The following LIPC variants were observed in gnomAD, a reference collection of about 807,000 sequenced individuals.
The protein encoded by LIPC is lipase C, hepatic type.
In LIPC, 44 loss-of-function variants were observed where a neutral mutation model predicts 50.7. The observed-to-expected ratio is 0.87, with a 90% CI of 0.68 to 1.11. The LOEUF is 1.11. LIPC is among the 50% of genes most tolerant of loss of function. LIPC has a pLI of 0.00. For synonymous variants in LIPC, 271 were observed against 256.4 expected (o/e 1.06, Z -0.54); for missense variants, 697 against 648.2 (o/e 1.08, Z -0.82).
At chr15:58,450,758 A>T (rs895528848) in intron 1 of LIPC, among the ~76,000 whole-genome samples, 2 of 152,092 alleles carry the variant, frequency 1.3e-5, no homozygotes, top group Non-Finnish European at 2.9e-5. Context: ...TATTGAGTGA[A>T]AGTAGTAAGA....
chr15:58,563,132 A>T (rs1894223732), intron 7 of LIPC, among the ~76,000 whole-genome samples: 2 of 152,130 alleles, frequency 1.3e-5, no homozygotes, highest in Admixed American at 1.3e-4. Flanking sequence ...CTGCAGGCAT[A>T]CTATGTTAAA....
chr15:58,567,219 A>G (rs1372213842), intron 8 of LIPC, among the ~76,000 whole-genome samples: 1 of 142,922 alleles, frequency 7.0e-6, no homozygotes, highest in Non-Finnish European at 1.5e-5. Context: ...TAAAAAATAT[A>G]TATATATATA....
intron 1 of LIPC, among the ~76,000 whole-genome samples, chr15:58,444,845 T>C (rs977083751): frequency 9.9e-5 from 15 of 152,264 alleles, no homozygotes; most frequent in African/African-American, 3.4e-4. Context: ...TAGGCCCTGC[T>C]GTGACCCGGG....
chr15:58,485,868 C>T (rs922810109), intron 1 of LIPC, among the ~76,000 whole-genome samples: 1 of 152,210 alleles, frequency 6.6e-6, no homozygotes, highest in African/African-American at 2.4e-5. Flanking sequence ...CGGTTGAGAA[C>T]AATGAGAACT....
intron 3 of LIPC, 70 bp downstream of exon 3, chr15:58,542,037 A>C: frequency 6.6e-7 from 1 of 1,507,236 alleles, no homozygotes; most frequent in Non-Finnish European, 9.0e-7. Context: ...TGAATGAATT[A>C]AGCTGGTCTC....
chr15:58,566,761 G>C (rs967914441), intron 8 of LIPC, among the ~76,000 whole-genome samples: 2 of 152,062 alleles, frequency 1.3e-5, no homozygotes, highest in Non-Finnish European at 2.9e-5. Context: ...CTAATGAGAA[G>C]ACATTCAATT....
At chr15:58,524,655 G>A (rs1892749640) in intron 1 of LIPC, among the ~76,000 whole-genome samples, 1 of 152,140 alleles carries the variant, frequency 6.6e-6, no homozygotes, top group East Asian at 1.9e-4. Flanking sequence ...TTTCATCTTA[G>A]GAGTGAGGTT....
chr15:58,537,524 A>T (rs1893168791), intron 1 of LIPC, among the ~76,000 whole-genome samples: 1 of 141,660 alleles, frequency 7.1e-6, no homozygotes, highest in South Asian at 2.3e-4. Context: ...GCATGAAGCC[A>T]GACTCTTCAG....
chr15:58,457,050 A>T (rs1894149530), intron 1 of LIPC, among the ~76,000 whole-genome samples: 1 of 152,218 alleles, frequency 6.6e-6, no homozygotes. Context: ...GTATCATCAG[A>T]CAAGGCCAAA....
chr15:58,504,855 G>A (rs1892095530), intron 1 of LIPC, among the ~76,000 whole-genome samples: 1 of 152,204 alleles, frequency 6.6e-6, no homozygotes, highest in East Asian at 1.9e-4. Flanking sequence ...CTCGAGGAGA[G>A]CTGCGCATGC....
chr15:58,554,043 A>G (rs532581626), intron 6 of LIPC, among the ~76,000 whole-genome samples: 1 of 152,304 alleles, frequency 6.6e-6, no homozygotes, highest in South Asian at 2.1e-4. Flanking sequence ...GAGTCATAAT[A>G]TCTCCCAGAG....
rs148362014 is a variant in LIPC, at chr15:58,482,172, T to C, written c.88+50052T>C. 1.5e-3 allele frequency among the ~76,000 whole-genome samples: 231 copies of C among 152,324 alleles called. 1 individual carries two copies. Among genetic ancestry groups the C allele is most frequent in the Non-Finnish European group, 3.8e-4 (26 of 68,026 alleles). ...ATCATGAAAGGTACAAAATGGTACA[T>C]GGTAAAACGTCTTCCTCCCAGCCCT... On this transcript the variant is annotated intron_variant, in intron 1 of 8. Coordinates refer to ENST00000299022, the MANE Select transcript of LIPC (RefSeq NM_000236.3).
intron 1 of LIPC, among the ~76,000 whole-genome samples, chr15:58,457,677 G>C (rs1315736377): frequency 6.6e-6 from 1 of 152,260 alleles, no homozygotes; most frequent in Non-Finnish European, 1.5e-5. Context: ...CACTATTATT[G>C]TGTTTATTCT....
At chr15:58,566,983 A>G (rs1388256210) in intron 8 of LIPC, among the ~76,000 whole-genome samples, 1 of 151,968 alleles carries the variant, frequency 6.6e-6, no homozygotes, top group African/African-American at 2.4e-5. Flanking sequence ...TACCTACCTT[A>G]TGCCAGACAA....
At chr15:58,529,265 C>T (rs1166533427) in intron 1 of LIPC, among the ~76,000 whole-genome samples, 1 of 152,202 alleles carries the variant, frequency 6.6e-6, no homozygotes, top group African/African-American at 2.4e-5. Flanking sequence ...AGCTGAAGGG[C>T]CTGTGATTGT....
intron 1 of LIPC, chr15:58,454,400 G>T (rs1894032161): frequency 6.6e-6 from 1 of 152,220 alleles, no homozygotes; most frequent in Non-Finnish European, 1.5e-5. Flanking sequence ...TTCCTGGGCT[G>T]GGGGAAAGGG....
chr15:58,453,030 C>T (rs1893970562), intron 1 of LIPC, among the ~76,000 whole-genome samples: 1 of 152,138 alleles, frequency 6.6e-6, no homozygotes, highest in South Asian at 2.1e-4. Flanking sequence ...AGGTCCATGC[C>T]CCTCCTACTC....
intron 3 of LIPC, 128 bp downstream of exon 3, chr15:58,542,095 T>C: frequency 8.8e-7 from 1 of 1,130,246 alleles, no homozygotes; most frequent in South Asian, 1.3e-5. Flanking sequence ...CTCACAGGAA[T>C]GAGAAGGCAC....
chr15:58,548,792 C>T (rs1159564186), intron 6 of LIPC, among the ~76,000 whole-genome samples: 1 of 152,198 alleles, frequency 6.6e-6, no homozygotes, highest in African/African-American at 2.4e-5. Flanking sequence ...AAACCTCGAC[C>T]ATTTCTGAAA....
Sources: allele counts gnomAD v4.1 joint callset (sites outside exome capture counted in the v4.1 genomes callset), GRCh38; gene constraint gnomAD v4.1.1; transcripts MANE v1.5; gene names NCBI Gene and HGNC (gene_info 2026-07-23, HGNC 2026-07-21).